Variants in HERC3 observed in about 807,000 individuals in gnomAD.
HERC3 encodes the protein HECT and RLD domain containing E3 ubiquitin protein ligase 3.
Under a neutral mutation model 129.9 loss-of-function variants are expected in HERC3, and 58 were observed. The observed-to-expected ratio is 0.45, with a 90% CI of 0.36 to 0.56. The LOEUF (loss-of-function observed/expected upper bound fraction) is 0.56. HERC3 is among the 20% of genes least tolerant of loss of function. HERC3 has a pLI of 0.00. For missense variants in HERC3, 835 were observed against 1,244.2 expected, an observed-to-expected ratio of 0.67 and a Z score of 4.95; for synonymous variants, 430 against 451.0, an observed-to-expected ratio of 0.95 and a Z score of 0.59.
rs141250063 is a variant in HERC3, at chr4:88,616,337, G to A, written c.226+10288G>A. Among the ~76,000 whole-genome samples, 16 of 152,240 alleles carry A rather than the reference G, an allele frequency of 1.1e-4. No individual in the cohort carries two copies. The East Asian group carries it at 2.7e-3, about 26-fold the overall frequency. ...ACTTCCAGCATTCTCATCCAAAATG[G>A]CAAAGATAAGGGAATCAAATTAGGT... is the stretch of plus-strand genomic sequence containing the variant. On this transcript the variant is annotated intron_variant, in intron 3 of 25. Coordinates refer to ENST00000402738, the MANE Select transcript of HERC3 (RefSeq NM_014606.3).
the HERC3 span, among the ~76,000 whole-genome samples, chr4:88,558,884 C>T: frequency 1.3e-4 from 19 of 150,506 alleles, no homozygotes; most frequent in Non-Finnish European, 2.1e-4. Flanking sequence ...AGAAGAATGG[C>T]GTGAACCCAG....
In HERC3 at chr4:88,704,736, G is replaced by T. The variant is rs1019694198; in HGVS notation, c.2944+126G>T. 7 of 641,044 alleles carry T rather than the reference G, an allele frequency of 1.1e-5. No individual in the cohort carries two copies. The African/African-American group carries it at 1.3e-4, about 12-fold the overall frequency. 39.7% of individuals were successfully genotyped at this position (641,044 alleles called of 1,614,324 possible). A position where few individuals can be genotyped will look rare whatever the true frequency, so the allele number is the denominator to read the frequency against. ...GTAAAGACCAGGTAATTCACTATAT[G>T]TATGCTTTTTGTCTTAATGTTATCT... is the stretch of plus-strand genomic sequence containing the variant. On this transcript the variant is annotated intron_variant, in intron 25 of 25. Transcript: ENST00000402738.
At chr4:88,592,730 C>A (rs560541771) in intron 1 of HERC3, among the ~76,000 whole-genome samples, 156 bp downstream of exon 1, 4 of 152,202 alleles carry the variant, frequency 2.6e-5, no homozygotes, top group Middle Eastern at 3.4e-3. Flanking sequence ...CTGCAGGCAC[C>A]TCCAGAGACG....
chr4:88,630,002 T>C (rs1232889213), intron 3 of HERC3, among the ~76,000 whole-genome samples: 1 of 152,202 alleles, frequency 6.6e-6, no homozygotes. Flanking sequence ...AGGCCAAAGT[T>C]AAAATATTTG....
At chr4:88,657,697 G>A (rs1454737987) in intron 9 of HERC3, among the ~76,000 whole-genome samples, 1 of 152,206 alleles carries the variant, frequency 6.6e-6, no homozygotes, top group Non-Finnish European at 1.5e-5. Flanking sequence ...TCTTGGTAAT[G>A]TGGGAGCACA....
At chr4:88,651,643 A>G (rs1306830547) in intron 4 of HERC3, among the ~76,000 whole-genome samples, 3 of 152,146 alleles carry the variant, frequency 2.0e-5, no homozygotes, top group African/African-American at 7.2e-5. Context: ...CTTCTTTTCT[A>G]CAACTGATTG....
chr4:88,610,983 C>T (rs3893911), intron 3 of HERC3, among the ~76,000 whole-genome samples: 2,360 of 152,294 alleles, frequency 0.015, 36 homozygotes, highest in Middle Eastern at 0.054. Context: ...CCCCACAGGG[C>T]TGAGTGACTG....
chr4:88,559,470 G>C, the HERC3 span, among the ~76,000 whole-genome samples: 1 of 152,100 alleles, frequency 6.6e-6, no homozygotes, highest in African/African-American at 2.4e-5. Flanking sequence ...CCACTGTTTT[G>C]TTCTCTATCT....
chr4:88,527,882 A>G, the HERC3 span: 3 of 289,092 alleles, frequency 1.0e-5, no homozygotes. Flanking sequence ...ATCTACCATT[A>G]CCACTGGGAC....
chr4:88,586,353 TTTTC>T, the HERC3 span, among the ~76,000 whole-genome samples: 3 of 150,542 alleles, frequency 2.0e-5, no homozygotes, highest in Admixed American at 1.3e-4. Flanking sequence ...CTTTTTTTTT[TTTTC>T]TTTCTTTTTT....
intron 16 of HERC3, among the ~76,000 whole-genome samples, chr4:88,670,856 G>A (rs1731538775): frequency 6.6e-6 from 1 of 152,002 alleles, no homozygotes; most frequent in Non-Finnish European, 1.5e-5. Flanking sequence ...CTTTAGATGA[G>A]GCTTATGTAT....
At chr4:88,591,792 TTTC>T (rs1721723924), upstream of HERC3, among the ~76,000 whole-genome samples, 4 of 152,160 alleles carry the variant, frequency 2.6e-5, no homozygotes, top group African/African-American at 9.7e-5. Flanking sequence ...ACAGAGTGTC[TTTC>T]AGATTACAAG....
Position 88,677,990 on chromosome 4 carries a change from G to A in HERC3, c.2052G>A (p.Gln684=). 6.2e-7 allele frequency: 1 copy of A among 1,613,292 alleles called. No homozygotes were observed. The highest frequency in any genetic ancestry group is 8.5e-7 in the Non-Finnish European group (1 of 1,179,986). The change falls in exon 19 of 26, where the codon CAG becomes CAA. Residue 684 remains glutamine (Q), a synonymous_variant. Transcript: ENST00000402738. Reference sequence around the variant, plus strand: ...TGGCAGTCAATGGAGCCAACCTGCAGAATGTCTTCATGCTTCTCACCCTGG... The same window carrying A: ...TGGCAGTCAATGGAGCCAACCTGCAAAATGTCTTCATGCTTCTCACCCTGG... ...MQVAVNGANL[Q]NVFMLLTLEP...
chr4:88,598,468 G>A (rs1560656112), intron 2 of HERC3, among the ~76,000 whole-genome samples: 1 of 152,198 alleles, frequency 6.6e-6, no homozygotes, highest in Non-Finnish European at 1.5e-5. Context: ...GCAGAATGCA[G>A]CTAGTGCTAA....
chr4:88,642,130 C>CA (rs200464130), intron 3 of HERC3, among the ~76,000 whole-genome samples: 15,513 of 74,898 alleles, frequency 0.21, 2,510 homozygotes, highest in African/African-American at 0.46. Flanking sequence ...GACTCTGTCT[C>CA]AAAAAAAAAA....
At chr4:88,642,652 G>A (rs547547910) in intron 3 of HERC3, among the ~76,000 whole-genome samples, 1 of 152,306 alleles carries the variant, frequency 6.6e-6, no homozygotes, top group East Asian at 1.9e-4. Flanking sequence ...TACAGTGAAA[G>A]GGGCTAGCTA....
At chr4:88,647,041 T>C (rs1342878462) in intron 3 of HERC3, among the ~76,000 whole-genome samples, 3 of 152,160 alleles carry the variant, frequency 2.0e-5, no homozygotes, top group African/African-American at 7.2e-5. Context: ...AATAGTCCTT[T>C]ACCTTGCAAA....
intron 3 of HERC3, among the ~76,000 whole-genome samples, chr4:88,610,580 G>C (rs1724200634): frequency 6.6e-6 from 1 of 152,068 alleles, no homozygotes; most frequent in Non-Finnish European, 1.5e-5. Context: ...ACGGTAGCCA[G>C]TGATGGCCAC....
the HERC3 span, among the ~76,000 whole-genome samples, chr4:88,580,900 G>T: frequency 0.017 from 2,566 of 152,268 alleles, 197 homozygotes; most frequent in East Asian, 0.27. Context: ...GTCCCTAAAC[G>T]CAGAGAATCC....
Sources: allele counts gnomAD v4.1 joint callset (sites outside exome capture counted in the v4.1 genomes callset), GRCh38; gene constraint gnomAD v4.1.1; transcripts MANE v1.5; gene names NCBI Gene and HGNC (gene_info 2026-07-23, HGNC 2026-07-21).